ERLIN1: variants seen among roughly 807,000 people sequenced by gnomAD.
The protein encoded by ERLIN1 is ER lipid raft associated 1, also known as erlin-1.
ERLIN1 carries 24 observed loss-of-function variants against 46.9 expected under a neutral mutation model. The ratio of observed to expected loss-of-function variants is 0.51; its 90% confidence interval spans 0.37 to 0.72. ERLIN1 has a LOEUF of 0.72. Among genes scored for constraint, ERLIN1 ranks in the 30% least tolerant of loss-of-function variants. ERLIN1 has a pLI of 0.00. For missense variants in ERLIN1, 293 were observed against 417.9 expected (o/e 0.70, Z 2.61); for synonymous variants, 158 against 143.2 (o/e 1.10, Z -0.74).
At chr10:100,152,411 T>C (rs966850059) in intron 10 of ERLIN1, 59 bp from the exon 11 acceptor site, 8 of 945,402 alleles carry the variant, frequency 8.5e-6, no homozygotes, top group African/African-American at 8.0e-5. Flanking sequence ...CAGTCTTCTC[T>C]CTCCCTATAT....
intron 7 of ERLIN1, 33 bp downstream of exon 7, chr10:100,167,315 C>A (rs779164009): frequency 1.3e-6 from 2 of 1,499,214 alleles, no homozygotes; most frequent in Non-Finnish European, 1.9e-6. Flanking sequence ...CAGCCCTAAA[C>A]AGAAATATTG....
At chr10:100,178,944 C>T (rs894481066) in intron 3 of ERLIN1, among the ~76,000 whole-genome samples, 5 of 152,082 alleles carry the variant, frequency 3.3e-5, no homozygotes, top group Admixed American at 2.0e-4. Context: ...AAAGCAGATG[C>T]AGCAGTGCTA....
chr10:100,160,306 T>A (rs1843295877), intron 8 of ERLIN1, among the ~76,000 whole-genome samples: 1 of 152,160 alleles, frequency 6.6e-6, no homozygotes, highest in Non-Finnish European at 1.5e-5. Context: ...AGATGGCTTT[T>A]ACGAGTTCCA....
intron 5 of ERLIN1, 95 bp from the exon 6 acceptor site, chr10:100,174,376 A>G: frequency 1.1e-6 from 1 of 871,194 alleles, no homozygotes; most frequent in South Asian, 1.4e-5. Flanking sequence ...TTAGACCTAA[A>G]GTTTCCACAG....
In ERLIN1 at chr10:100,152,184, C is replaced by T; in HGVS notation, c.994G>A (p.Ala332Thr). The T allele has an allele frequency of 6.2e-7, 1 of 1,613,724 alleles. No homozygotes were observed. The highest frequency in any genetic ancestry group is 2.2e-5 in the East Asian group (1 of 44,892). ...ACGTTCTCTCCAGAGGGTTCAAGAG[C>T]CTCCTTAGAGGGGAGTGAGCTTTCT... Reference protein sequence around the residue: ...GRESSLPSKEALEPSGENVIQ... With the variant: ...GRESSLPSKETLEPSGENVIQ... Residue 332 changes from alanine to threonine, a missense_variant, in exon 11 of 11, where the codon GCT (alanine) becomes ACT (threonine). Transcript: ENST00000421367.
chr10:100,163,248 A>G (rs1843455038), intron 8 of ERLIN1, among the ~76,000 whole-genome samples: 1 of 152,158 alleles, frequency 6.6e-6, no homozygotes, highest in African/African-American at 2.4e-5. Flanking sequence ...ACTTACAGTA[A>G]AAGTATAAAA....
intron 8 of ERLIN1, among the ~76,000 whole-genome samples, chr10:100,158,294 C>T (rs1017793025): frequency 6.6e-6 from 1 of 152,192 alleles, no homozygotes; most frequent in Non-Finnish European, 1.5e-5. Flanking sequence ...CAAATACAGA[C>T]AGAAACATGT....
chr10:100,155,037 G>C, intron 9 of ERLIN1, 98 bp from the exon 10 acceptor site: 1 of 1,031,918 alleles, frequency 9.7e-7, no homozygotes, highest in East Asian at 2.5e-5. Context: ...ATTTCACATT[G>C]AAAGTTTTAA....
chr10:100,174,397 T>C, intron 5 of ERLIN1, 116 bp from the exon 6 acceptor site: 1 of 724,056 alleles, frequency 1.4e-6, no homozygotes, highest in Non-Finnish European at 2.3e-6. Flanking sequence ...TACTATTCTT[T>C]TACAGAGCTT....
chr10:100,167,406 C>T lies in ERLIN1; in HGVS notation c.505G>A (p.Ala169Thr). ...ATTTTGGGTTTTGTAACACGCACAG[C>T]CTAAAAAATAAAAGTGAAAAAGCCA... is the stretch of plus-strand genomic sequence containing the variant. ...NLMAPGLTIQ[A>T]VRVTKPKIPE... The change falls in exon 7 of 11, where the codon GCT (alanine) becomes ACT (threonine). Residue 169 changes from alanine to threonine, a missense_variant and splice_region_variant. Ala to Thr is a moderately conservative substitution (Grantham distance 58). Coordinates refer to ENST00000421367, the MANE Select transcript of ERLIN1 (RefSeq NM_006459.4). The T allele has an allele frequency of 6.2e-7, 1 of 1,610,784 alleles. No homozygotes were observed.
Position 100,165,618 on chromosome 10 carries a change from C to T in ERLIN1, c.564-1523G>A, listed in dbSNP as rs1471055087. ...AGCTAGGATGGTCTCGATCTCCTGA[C>T]CTCGTGATCCGCCCACCTTGGCCTC... On this transcript the variant is annotated intron_variant, in intron 7 of 10. Coordinates refer to ENST00000421367, the MANE Select transcript of ERLIN1 (RefSeq NM_006459.4). Among the ~76,000 whole-genome samples, 8 of 152,228 alleles carry T rather than the reference C, an allele frequency of 5.3e-5. No homozygotes were observed. The East Asian group carries it at 7.7e-4, about 15-fold the overall frequency.
chr10:100,184,114 T>C (rs1844822498), intron 1 of ERLIN1, among the ~76,000 whole-genome samples: 1 of 152,228 alleles, frequency 6.6e-6, no homozygotes, highest in Non-Finnish European at 1.5e-5. Context: ...AGGATTCTCC[T>C]CGGTCTTTAA....
intron 10 of ERLIN1, 101 bp from the exon 11 acceptor site, chr10:100,152,453 G>A: frequency 4.0e-6 from 3 of 750,530 alleles, no homozygotes; most frequent in Non-Finnish European, 7.2e-6. Context: ...TGAGTATCAT[G>A]AGTCAAGTCT....
intron 3 of ERLIN1, 56 bp from the exon 4 acceptor site, chr10:100,178,250 A>AT: frequency 9.0e-7 from 1 of 1,108,334 alleles, no homozygotes; most frequent in Non-Finnish European, 1.3e-6. Flanking sequence ...AAACACAGTT[A>AT]TAGATAGACC....
At chr10:100,175,351 G>A (rs1175065614) in intron 5 of ERLIN1, among the ~76,000 whole-genome samples, 1 of 152,142 alleles carries the variant, frequency 6.6e-6, no homozygotes, top group African/African-American at 2.4e-5. Context: ...GAATTTTTAT[G>A]TGGTAGGCAG....
In ERLIN1 at chr10:100,154,896, T is replaced by C. The variant is rs759786446; in HGVS notation, c.789A>G (p.Glu263=). 55 of 1,613,834 alleles carry C rather than the reference T, an allele frequency of 3.4e-5. No individual in the cohort carries two copies. Among genetic ancestry groups the C allele is most frequent in the Non-Finnish European group, 4.6e-5 (54 of 1,179,852 alleles). Residue 263 remains glutamate (E), a synonymous_variant, in exon 10 of 11, where the codon GAA becomes GAG. Transcript: ENST00000421367. ...LAREKAKADA[E]YYAAHKYATS... ...TGGCATATTTGTGTGCAGCATAATATTCAGCATCTGCTTTCGCTTTCTCTC... is the reference window on the plus strand; with the variant it reads ...TGGCATATTTGTGTGCAGCATAATACTCAGCATCTGCTTTCGCTTTCTCTC...
At chr10:100,177,893 C>T (rs1353699034) in intron 4 of ERLIN1, among the ~76,000 whole-genome samples, 1 of 152,164 alleles carries the variant, frequency 6.6e-6, no homozygotes, top group Non-Finnish European at 1.5e-5. Context: ...CTAGAAATAA[C>T]CAATGACCAT....
chr10:100,180,616 A>C (rs1265350731), intron 2 of ERLIN1, among the ~76,000 whole-genome samples: 4 of 152,224 alleles, frequency 2.6e-5, no homozygotes, highest in Non-Finnish European at 5.9e-5. Context: ...TAGGCGAACG[A>C]AAGTAGATAG....
At chr10:100,162,856 T>C (rs1347684325) in intron 8 of ERLIN1, among the ~76,000 whole-genome samples, 1 of 152,192 alleles carries the variant, frequency 6.6e-6, no homozygotes, top group Non-Finnish European at 1.5e-5. Flanking sequence ...GATAGGGCAC[T>C]GGCCCACACC....
Sources: allele counts gnomAD v4.1 joint callset (sites outside exome capture counted in the v4.1 genomes callset), GRCh38; gene constraint gnomAD v4.1.1; transcripts MANE v1.5; gene names NCBI Gene and HGNC (gene_info 2026-07-23, HGNC 2026-07-21).